CADM2: variants seen among roughly 807,000 people sequenced by gnomAD.
The protein encoded by CADM2 is cell adhesion molecule 2.
In CADM2, 12 loss-of-function variants were observed where a neutral mutation model predicts 49.8. The observed-to-expected ratio is 0.24, with a 90% CI of 0.15 to 0.39. The LOEUF is 0.39. Among genes scored for constraint, CADM2 ranks in the 10% least tolerant of loss-of-function variants. CADM2 has a pLI of 1.00. For missense variants in CADM2, 378 were observed against 492.3 expected, an observed-to-expected ratio of 0.77 and a Z score of 2.20; for synonymous variants, 214 against 175.4, an observed-to-expected ratio of 1.22 and a Z score of -1.74.
chr3:85,353,541 C>CT (rs546632995), intron 1 of CADM2, among the ~76,000 whole-genome samples: 31 of 144,778 alleles, frequency 2.1e-4, no homozygotes, highest in Admixed American at 1.1e-3. Context: ...TTGATGGTTT[C>CT]TTTTTTTTTG....
At chr3:85,975,214 A>G (rs1726631883) in intron 8 of CADM2, among the ~76,000 whole-genome samples, 1 of 151,442 alleles carries the variant, frequency 6.6e-6, no homozygotes, top group Non-Finnish European at 1.5e-5. Context: ...TTATTTTAAT[A>G]TACCATGATA....
chr3:85,510,989 C>T (rs1245459903), intron 1 of CADM2, among the ~76,000 whole-genome samples: 1 of 151,996 alleles, frequency 6.6e-6, no homozygotes, highest in East Asian at 1.9e-4. Flanking sequence ...TTCATAAGTG[C>T]ATAGATGTAA....
chr3:85,518,066 G>T (rs1185519142), intron 1 of CADM2, among the ~76,000 whole-genome samples: 1 of 152,262 alleles, frequency 6.6e-6, no homozygotes, highest in South Asian at 2.1e-4. Context: ...GAGTGCAGTG[G>T]CACAATCTCA....
At chr3:85,875,807 C>A (rs1350649314) in intron 3 of CADM2, among the ~76,000 whole-genome samples, 1 of 152,072 alleles carries the variant, frequency 6.6e-6, no homozygotes, top group Non-Finnish European at 1.5e-5. Flanking sequence ...GTGTGGGTAA[C>A]CTTAAAGAAC....
At chr3:85,313,975 C>T (rs953470236) in intron 1 of CADM2, among the ~76,000 whole-genome samples, 27 of 152,152 alleles carry the variant, frequency 1.8e-4, no homozygotes, top group African/African-American at 6.3e-4. Context: ...ACTGCAACCT[C>T]CAGCTCCTGG....
chr3:85,155,711 G>A (rs925732174), intron 1 of CADM2, among the ~76,000 whole-genome samples: 1 of 152,068 alleles, frequency 6.6e-6, no homozygotes. Flanking sequence ...CTTAGCAAAT[G>A]TAAAAGAACT....
At chr3:85,540,110 C>T (rs2061507418) in intron 1 of CADM2, among the ~76,000 whole-genome samples, 2 of 152,154 alleles carry the variant, frequency 1.3e-5, no homozygotes, top group South Asian at 4.1e-4. Flanking sequence ...TTACTTTCAG[C>T]TTGCATATTA....
chr3:85,046,903 C>A (rs1328361320), intron 1 of CADM2, among the ~76,000 whole-genome samples: 6 of 151,402 alleles, frequency 4.0e-5, no homozygotes, highest in Non-Finnish European at 7.4e-5. Flanking sequence ...ACACGTCATA[C>A]ATATAGGTGA....
intron 1 of CADM2, among the ~76,000 whole-genome samples, chr3:85,204,671 C>T (rs1170139649): frequency 3.3e-5 from 5 of 152,106 alleles, no homozygotes; most frequent in Non-Finnish European, 5.9e-5. Flanking sequence ...CCAAATTTAA[C>T]GTATATCTAG....
chr3:85,961,656 A>G lies in CADM2; in HGVS notation c.970+9A>G, dbSNP rs1367250321. ...TGTTCTCATTGTGCATGGTGAGTAA[A>G]TTTTGGAAAACATTATATGTGAAAG... On this transcript the variant is annotated intron_variant, in intron 8 of 9. Transcript: ENST00000383699. 1 of 1,520,538 alleles carries G rather than the reference A, an allele frequency of 6.6e-7. No individual in the cohort carries two copies. The highest frequency in any genetic ancestry group is 8.9e-7 in the Non-Finnish European group (1 of 1,118,672). 94.2% of individuals were successfully genotyped at this position (1,520,538 alleles called of 1,614,324 possible).
chr3:85,681,738 A>G (rs1342922822), intron 1 of CADM2, among the ~76,000 whole-genome samples: 1 of 152,118 alleles, frequency 6.6e-6, no homozygotes, highest in Admixed American at 6.6e-5. Context: ...AACCCATTTA[A>G]CTTCATAGTA....
chr3:85,990,042 A>G (rs113809216), intron 8 of CADM2, among the ~76,000 whole-genome samples: 1,088 of 107,666 alleles, frequency 0.01, 18 homozygotes, highest in East Asian at 0.023. Flanking sequence ...AAAAAAAAAA[A>G]AAGAAGACTA....
chr3:85,290,289 C>T (rs1033780999), intron 1 of CADM2, among the ~76,000 whole-genome samples: 7 of 152,266 alleles, frequency 4.6e-5, no homozygotes, highest in East Asian at 1.9e-4. Context: ...GAGGGTCCTA[C>T]GCCCACGGAA....
chr3:85,932,066 A>G (rs1020302495), intron 6 of CADM2, among the ~76,000 whole-genome samples: 1 of 151,676 alleles, frequency 6.6e-6, no homozygotes, highest in Non-Finnish European at 1.5e-5. Flanking sequence ...AAATTTTGAC[A>G]TAAAGGAGAC....
At position 86,044,993 on chromosome 3, in the gene CADM2, G is replaced by A. The variant is rs368392928; in HGVS notation, c.971-20612G>A. Among the ~76,000 whole-genome samples, 55 of 151,020 alleles carry A rather than the reference G, an allele frequency of 3.6e-4. No individual in the cohort carries two copies. The East Asian group carries it at 9.2e-3, about 25-fold the overall frequency. The stretch of plus-strand genomic sequence containing the variant: ...CAAACACTGCATGTTCTCACTCATA[G>A]GTGGGAATTGAACAATGAGAACACA... On this transcript the variant is annotated intron_variant, in intron 8 of 9. Transcript: ENST00000383699.
intron 1 of CADM2, among the ~76,000 whole-genome samples, chr3:85,551,944 A>C (rs2061812258): frequency 6.6e-6 from 1 of 152,152 alleles, no homozygotes; most frequent in African/African-American, 2.4e-5. Context: ...GTAATTCCTA[A>C]ATTAATAATT....
chr3:85,347,830 T>C lies in CADM2; in HGVS notation c.62-378692T>C, dbSNP rs1415513075. ...CAGTTTTTTGTTTTTTTTTTTAAGA[T>C]GGAGTCTCGCTCTGTCGCCCAGGCT... On this transcript the variant is annotated intron_variant, in intron 1 of 9. Coordinates refer to ENST00000383699, the MANE Select transcript of CADM2 (RefSeq NM_001167675.2). Among the ~76,000 whole-genome samples the C allele has an allele frequency of 2.7e-4, 40 of 149,702 alleles. 1 individual carries two copies. Among genetic ancestry groups the C allele is most frequent in the South Asian group, 8.4e-4 (4 of 4,766 alleles).
chr3:85,157,371 C>T (rs1288668840), intron 1 of CADM2, among the ~76,000 whole-genome samples: 2 of 151,468 alleles, frequency 1.3e-5, no homozygotes, highest in South Asian at 2.1e-4. Flanking sequence ...AAAAAGAGCC[C>T]GCATCGCCAA....
At chr3:86,001,292 A>G (rs1368763817) in intron 8 of CADM2, among the ~76,000 whole-genome samples, 1 of 152,160 alleles carries the variant, frequency 6.6e-6, no homozygotes, top group Non-Finnish European at 1.5e-5. Context: ...TTGGATATAC[A>G]GATCTGGAAC....
Sources: allele counts gnomAD v4.1 joint callset (sites outside exome capture counted in the v4.1 genomes callset), GRCh38; gene constraint gnomAD v4.1.1; transcripts MANE v1.5; gene names NCBI Gene and HGNC (gene_info 2026-07-23, HGNC 2026-07-21).